TATDN3: variants seen among roughly 807,000 people sequenced by gnomAD.
The protein encoded by TATDN3 is deoxyribonuclease TATDN3.
Under a neutral mutation model 40.1 loss-of-function variants are expected in TATDN3, and 29 were observed. The ratio of observed to expected loss-of-function variants is 0.72; its 90% CI spans 0.54 to 0.99. TATDN3 has a LOEUF of 0.99. TATDN3 is among the 50% of genes least tolerant of loss of function. The pLI, the probability that TATDN3 is intolerant of heterozygous loss-of-function variation, is 0.00. For missense variants in TATDN3, 309 were observed against 321.9 expected, an observed-to-expected ratio of 0.96 and a Z score of 0.31; for synonymous variants, 105 against 117.0, an observed-to-expected ratio of 0.90 and a Z score of 0.66.
intron 2 of TATDN3, among the ~76,000 whole-genome samples, chr1:212,796,230 G>A (rs1661745741): frequency 1.3e-5 from 2 of 152,104 alleles, no homozygotes; most frequent in African/African-American, 4.8e-5. Context: ...GACATATATA[G>A]ACCTGATGAC....
chr1:212,808,190 G>A (rs1043848025), intron 8 of TATDN3, among the ~76,000 whole-genome samples: 2 of 151,880 alleles, frequency 1.3e-5, no homozygotes, highest in Non-Finnish European at 2.9e-5. Context: ...GCATGTGCTT[G>A]TAATCCCAGC....
At chr1:212,814,086 C>T (rs936589424) in intron 9 of TATDN3, among the ~76,000 whole-genome samples, 1 of 151,976 alleles carries the variant, frequency 6.6e-6, no homozygotes, top group Non-Finnish European at 1.5e-5. Flanking sequence ...TTCCTAAGTG[C>T]TAAGATTACA....
chr1:212,792,482 A>AG (rs1661389938), intron 1 of TATDN3, among the ~76,000 whole-genome samples: 1 of 149,468 alleles, frequency 6.7e-6, no homozygotes, highest in African/African-American at 2.5e-5. Flanking sequence ...ACAAAAAAAA[A>AG]AAAAAAGCCG....
At chr1:212,810,282 G>C (rs967063275) in intron 8 of TATDN3, among the ~76,000 whole-genome samples, 1 of 151,964 alleles carries the variant, frequency 6.6e-6, no homozygotes, top group Non-Finnish European at 1.5e-5. Flanking sequence ...GGCCAAGGCG[G>C]GTGGATCACG....
chr1:212,805,882 G>A (rs2102461535), intron 7 of TATDN3, among the ~76,000 whole-genome samples: 1 of 152,124 alleles, frequency 6.6e-6, no homozygotes, highest in East Asian at 1.9e-4. Flanking sequence ...AGTTTAACAA[G>A]CAATCCACAT....
At chr1:212,807,290 A>T (rs1662601196) in intron 7 of TATDN3, among the ~76,000 whole-genome samples, 1 of 151,896 alleles carries the variant, frequency 6.6e-6, no homozygotes, top group South Asian at 2.1e-4. Flanking sequence ...TCTCACTCCG[A>T]TGCCCAGCCT....
chr1:212,813,101 T>C (rs1207916787), intron 9 of TATDN3, among the ~76,000 whole-genome samples: 1 of 152,082 alleles, frequency 6.6e-6, no homozygotes, highest in Non-Finnish European at 1.5e-5. Flanking sequence ...ATTCAATGAG[T>C]GTTCATTTTT....
rs529305425 is a variant in TATDN3 at position 212,803,803 on chromosome 1, A to G, written c.322-517A>G. ...GTAATCCCAGCACCTTGGGAGGCTA[A>G]GGCGGGCTGATCACTTGAGGTCAGG... On this transcript the variant is annotated intron_variant, in intron 5 of 9. Transcript: ENST00000366974. Among the ~76,000 whole-genome samples, 208 of 152,266 alleles carry G rather than the reference A, an allele frequency of 1.4e-3. 2 individuals are homozygous for G. Among genetic ancestry groups the G allele is most frequent in the Non-Finnish European group, 2.6e-4 (18 of 68,008 alleles).
chr1:212,806,674 C>A (rs1662488779), intron 7 of TATDN3, among the ~76,000 whole-genome samples: 1 of 142,880 alleles, frequency 7.0e-6, no homozygotes. Context: ...AGCCACTGTG[C>A]CTGGCCAACA....
intron 5 of TATDN3, 29 bp from the exon 6 acceptor site, chr1:212,804,291 A>G: frequency 6.5e-7 from 1 of 1,547,028 alleles, no homozygotes; most frequent in South Asian, 1.1e-5. Flanking sequence ...AAACCTAAAT[A>G]TGTAATATCT....
chr1:212,805,787 AT>A (rs1662427565), intron 7 of TATDN3, among the ~76,000 whole-genome samples: 1 of 152,132 alleles, frequency 6.6e-6, no homozygotes, highest in Admixed American at 6.6e-5. Context: ...TTATGGCATT[AT>A]TTTTCAATAT....
chr1:212,802,132 C>G (rs1662211343), intron 4 of TATDN3, among the ~76,000 whole-genome samples: 1 of 152,172 alleles, frequency 6.6e-6, no homozygotes, highest in African/African-American at 2.4e-5. Flanking sequence ...ATCATTGAAA[C>G]TAATGGTACA....
intron 7 of TATDN3, 53 bp from the exon 8 acceptor site, chr1:212,807,682 AT>A: frequency 1.5e-6 from 2 of 1,375,070 alleles, no homozygotes; most frequent in Non-Finnish European, 2.0e-6. Flanking sequence ...CTGTTATTTA[AT>A]TTGATTGATG....
chr1:212,812,484 A>T (rs1662943893), intron 9 of TATDN3, among the ~76,000 whole-genome samples, 156 bp downstream of exon 9: 1 of 152,178 alleles, frequency 6.6e-6, no homozygotes, highest in African/African-American at 2.4e-5. Context: ...GGTCTTTCTA[A>T]ATATAGCTGT....
At chr1:212,809,110 C>T (rs1662709785) in intron 8 of TATDN3, among the ~76,000 whole-genome samples, 1 of 152,138 alleles carries the variant, frequency 6.6e-6, no homozygotes, top group South Asian at 2.1e-4. Context: ...TAAGAGAAAG[C>T]AACCAGACGA....
At position 212,804,584 on chromosome 1, in the gene TATDN3, A is replaced by G. The variant is rs1225452384; in HGVS notation, c.432-12A>G. On this transcript the variant is annotated splice_polypyrimidine_tract_variant and intron_variant, in intron 6 of 9. Coordinates refer to ENST00000366974, the MANE Select transcript of TATDN3 (RefSeq NM_001042552.3). ...AATGGTACTTAAAAGAAATGTTGTTATCGTTAAACAGAAATGTGCACTCAC... is the reference window on the plus strand; with the variant it reads ...AATGGTACTTAAAAGAAATGTTGTTGTCGTTAAACAGAAATGTGCACTCAC... 1 of 1,611,666 alleles carries G rather than the reference A, an allele frequency of 6.2e-7. No homozygotes were observed. Among genetic ancestry groups the G allele is most frequent in the Non-Finnish European group, 8.5e-7 (1 of 1,179,006 alleles).
At chr1:212,795,385 C>G (rs1000018291) in intron 2 of TATDN3, among the ~76,000 whole-genome samples, 2 of 151,792 alleles carry the variant, frequency 1.3e-5, no homozygotes, top group Admixed American at 1.3e-4. Context: ...ATTCTCCTGC[C>G]TCAGCCTCCT....
At chr1:212,793,186 C>G (rs1186669254) in intron 1 of TATDN3, among the ~76,000 whole-genome samples, 1 of 152,082 alleles carries the variant, frequency 6.6e-6, no homozygotes, top group African/African-American at 2.4e-5. Context: ...AATGCAGATT[C>G]ATTAAAGGGC....
At chr1:212,796,668 C>A in intron 3 of TATDN3, 78 bp downstream of exon 3, 1 of 1,025,350 alleles carries the variant, frequency 9.8e-7, no homozygotes, top group Non-Finnish European at 1.4e-6. Context: ...TATCAAAGAT[C>A]CATTTTTAAA....
Sources: gnomAD v4.1 joint callset for allele counts (sites outside exome capture counted in the v4.1 genomes callset) on GRCh38, gnomAD v4.1.1 for gene constraint, MANE v1.5 for transcripts, NCBI Gene and HGNC (gene_info 2026-07-23, HGNC 2026-07-21) for gene names.